The following CRACD variants were observed in gnomAD, a reference collection of about 807,000 sequenced individuals.
CRACD encodes the protein capping protein inhibiting regulator of actin dynamics.
A neutral mutation model predicts 106.8 loss-of-function variants in CRACD; 56 were observed. The ratio of observed to expected loss-of-function variants is 0.52; its 90% CI spans 0.42 to 0.66. CRACD has a LOEUF of 0.66. Ranked by LOEUF, CRACD falls within the 30% of genes least tolerant of loss-of-function variation. The pLI is 0.00. For synonymous variants in CRACD, 754 were observed against 670.8 expected, an observed-to-expected ratio of 1.12 and a Z score of -1.92; for missense variants, 1,730 against 1,623.2, an observed-to-expected ratio of 1.07 and a Z score of -1.13.
chr4:56,052,933 T>C (rs901584588), intron 1 of CRACD, among the ~76,000 whole-genome samples: 9 of 152,342 alleles, frequency 5.9e-5, no homozygotes, highest in Admixed American at 2.6e-4. Context: ...TCCTTTGAAA[T>C]GACTCATTTC....
At chr4:56,243,555 C>A (rs972444221) in intron 2 of CRACD, among the ~76,000 whole-genome samples, 1 of 152,268 alleles carries the variant, frequency 6.6e-6, no homozygotes, top group African/African-American at 2.4e-5. Context: ...TCAAATACTG[C>A]ATTATAATTT....
At position 56,218,420 on chromosome 4, in the gene CRACD, T is replaced by C. The variant is rs561947119; in HGVS notation, c.-189+38990T>C. 1.1e-3 allele frequency among the ~76,000 whole-genome samples: 169 copies of C among 149,814 alleles called. 1 individual carries two copies. The highest frequency in any genetic ancestry group is 3.9e-3 in the African/African-American group (160 of 40,818). On this transcript the variant is annotated intron_variant, in intron 2 of 10. Transcript: ENST00000682029. Reference sequence around the variant, plus strand: ...ACCACCTCACCTGGTCTGCTTTCTTTCCCTCCCTTCCCCTCCCTTTCCATC... The same window carrying C: ...ACCACCTCACCTGGTCTGCTTTCTTCCCCTCCCTTCCCCTCCCTTTCCATC...
chr4:56,255,169 A>G (rs1741284748), intron 2 of CRACD, among the ~76,000 whole-genome samples: 1 of 151,544 alleles, frequency 6.6e-6, no homozygotes, highest in Admixed American at 6.6e-5. Flanking sequence ...TTTGAAATCT[A>G]TAACTAAACA....
At chr4:56,139,253 A>T (rs1404855411) in intron 1 of CRACD, among the ~76,000 whole-genome samples, 1 of 152,154 alleles carries the variant, frequency 6.6e-6, no homozygotes, top group African/African-American at 2.4e-5. Context: ...GCTTAGGAGC[A>T]AGAAAAAACC....
chr4:56,119,415 C>T (rs1414801508), intron 1 of CRACD, among the ~76,000 whole-genome samples: 1 of 151,908 alleles, frequency 6.6e-6, no homozygotes, highest in Non-Finnish European at 1.5e-5. Context: ...ACTGTAGCCT[C>T]CACCTACTGG....
At chr4:56,205,938 A>G (rs1738103930) in intron 2 of CRACD, among the ~76,000 whole-genome samples, 1 of 152,246 alleles carries the variant, frequency 6.6e-6, no homozygotes, top group African/African-American at 2.4e-5. Flanking sequence ...AGATTGATAT[A>G]AAAAGATATA....
chr4:56,143,910 A>G (rs1190336238), intron 1 of CRACD, among the ~76,000 whole-genome samples: 1 of 152,308 alleles, frequency 6.6e-6, no homozygotes, highest in African/African-American at 2.4e-5. Context: ...AGTTAAGAAA[A>G]GAGGAAATTA....
At chr4:56,218,612 T>A (rs1006085461) in intron 2 of CRACD, among the ~76,000 whole-genome samples, 6 of 149,728 alleles carry the variant, frequency 4.0e-5, no homozygotes, top group African/African-American at 1.2e-4. Flanking sequence ...CTTCCCTCTT[T>A]TCTTTCTTTT....
rs549484247 is a variant in CRACD at position 56,149,293 on chromosome 4, T to A, written c.-335-29991T>A. ...TGATCTCAACTCTGTTTCTATCCCATTGTAAAACTGATTAGAGTTAAATAG... is the reference window on the plus strand; with the variant it reads ...TGATCTCAACTCTGTTTCTATCCCAATGTAAAACTGATTAGAGTTAAATAG... On this transcript the variant is annotated intron_variant, in intron 1 of 10. Transcript: ENST00000682029. Among the ~76,000 whole-genome samples the A allele has an allele frequency of 2.0e-5, 3 of 152,322 alleles. No individual in the cohort carries two copies. The South Asian group carries it at 6.2e-4, about 32-fold the overall frequency.
At chr4:56,309,082 A>G in intron 5 of CRACD, 2 of 451,044 alleles carry the variant, frequency 4.4e-6, no homozygotes, top group Non-Finnish European at 8.7e-6. Context: ...TGCTGGCTGC[A>G]CAGAAAATAA....
chr4:56,259,390 T>G (rs189858512), intron 2 of CRACD, among the ~76,000 whole-genome samples: 1 of 152,306 alleles, frequency 6.6e-6, no homozygotes, highest in East Asian at 1.9e-4. Flanking sequence ...GAGTTCCAAT[T>G]CTGGAGTTTC....
chr4:56,294,356 A>C (rs1388639475), intron 3 of CRACD, among the ~76,000 whole-genome samples: 1 of 152,196 alleles, frequency 6.6e-6, no homozygotes, highest in Non-Finnish European at 1.5e-5. Context: ...AGAAAATAGA[A>C]ATTTTAGTCT....
chr4:56,190,166 T>G (rs907594190), intron 2 of CRACD, among the ~76,000 whole-genome samples: 1 of 152,022 alleles, frequency 6.6e-6, no homozygotes, highest in Non-Finnish European at 1.5e-5. Context: ...TTTTTATGGC[T>G]GCATAGTATT....
intron 1 of CRACD, among the ~76,000 whole-genome samples, chr4:56,093,830 C>T (rs1733506394): frequency 6.6e-6 from 1 of 152,274 alleles, no homozygotes; most frequent in Non-Finnish European, 1.5e-5. Flanking sequence ...AACTCTGATG[C>T]CTTTTATTTT....
At chr4:56,273,654 G>A (rs911182945) in intron 3 of CRACD, among the ~76,000 whole-genome samples, 5 of 152,138 alleles carry the variant, frequency 3.3e-5, no homozygotes, top group African/African-American at 4.8e-5. Flanking sequence ...CCTTGCCTGT[G>A]TTCTTGTAGC....
intron 1 of CRACD, among the ~76,000 whole-genome samples, chr4:56,130,762 C>G (rs905551548): frequency 6.6e-6 from 1 of 152,042 alleles, no homozygotes; most frequent in South Asian, 2.1e-4. Context: ...TTTCTGCCAA[C>G]CTTATTTACA....
At chr4:56,279,179 C>G (rs987932417) in intron 3 of CRACD, among the ~76,000 whole-genome samples, 2 of 152,174 alleles carry the variant, frequency 1.3e-5, no homozygotes, top group Non-Finnish European at 2.9e-5. Flanking sequence ...CTGTCCTGCA[C>G]CCAATGTCCG....
At chr4:56,278,635 A>T (rs905901655) in intron 3 of CRACD, among the ~76,000 whole-genome samples, 7 of 152,222 alleles carry the variant, frequency 4.6e-5, no homozygotes, top group African/African-American at 1.7e-4. Context: ...AAAAGGAAAA[A>T]CAGAAAAGTT....
chr4:56,163,296 C>CAA (rs61130200), intron 1 of CRACD, among the ~76,000 whole-genome samples: 3 of 146,172 alleles, frequency 2.1e-5, no homozygotes, highest in Admixed American at 1.4e-4. Context: ...GTCCCGTCTT[C>CAA]AAAAAAAAAA....
Sources: allele counts gnomAD v4.1 joint callset (sites outside exome capture counted in the v4.1 genomes callset), GRCh38; gene constraint gnomAD v4.1.1; transcripts MANE v1.5; gene names NCBI Gene and HGNC (gene_info 2026-07-23, HGNC 2026-07-21).